RIMBP2: variants seen among roughly 807,000 people sequenced by gnomAD.
RIMBP2 encodes RIMS-binding protein 2.
A neutral mutation model predicts 118.6 loss-of-function variants in RIMBP2; 48 were observed. The ratio of observed to expected loss-of-function variants is 0.40; its 90% CI spans 0.32 to 0.51. The LOEUF (loss-of-function observed/expected upper bound fraction) is 0.51, where lower values mean the gene tolerates loss of function less well. Ranked by LOEUF, RIMBP2 falls within the 20% of genes least tolerant of loss-of-function variation. The pLI, the probability that RIMBP2 is intolerant of heterozygous loss-of-function variation, is 0.41. For missense variants in RIMBP2, 1,551 were observed against 1,768.3 expected, an observed-to-expected ratio of 0.88 and a Z score of 2.20; for synonymous variants, 762 against 742.9, an observed-to-expected ratio of 1.03 and a Z score of -0.42.
At chr12:130,689,373 C>G (rs984735067) in intron 1 of RIMBP2, among the ~76,000 whole-genome samples, 3 of 152,198 alleles carry the variant, frequency 2.0e-5, no homozygotes, top group African/African-American at 7.2e-5. Flanking sequence ...GCGGAGGTTA[C>G]AGTGAGCCAA....
chr12:130,612,341 C>T (rs1339615257), intron 2 of RIMBP2, among the ~76,000 whole-genome samples: 3 of 152,176 alleles, frequency 2.0e-5, no homozygotes, highest in Non-Finnish European at 4.4e-5. Flanking sequence ...CATAAAGCAT[C>T]ACCTTCTCTC....
Position 130,431,793 on chromosome 12 carries a change from G to A in RIMBP2, c.2253+2941C>T, listed in dbSNP as rs2077170584. The A allele has an allele frequency of 6.5e-6, 1 of 154,090 alleles. No individual in the cohort carries two copies. The highest frequency in any genetic ancestry group is 1.4e-5 in the Non-Finnish European group (1 of 69,612). 9.5% of individuals were successfully genotyped at this position (154,090 alleles called of 1,614,324 possible). ...GGAGTGGGAGGCCCTCGGAAGTGCA[G>A]AGCTGTGTTTCTGCCGCTGTGTTTC... On this transcript the variant is annotated intron_variant, in intron 14 of 22. Transcript: ENST00000690449. The surrounding 1 kb of genome is among the most constrained non-coding windows in gnomAD (Gnocchi z 4.0).
At chr12:130,610,365 T>C (rs537749601) in intron 2 of RIMBP2, among the ~76,000 whole-genome samples, 206 of 152,316 alleles carry the variant, frequency 1.4e-3, no homozygotes, top group African/African-American at 4.7e-3. Context: ...GTCTACGCCA[T>C]CTGTGTGGCC....
intron 3 of RIMBP2, among the ~76,000 whole-genome samples, chr12:130,507,054 A>T (rs1483524204): frequency 1.3e-5 from 2 of 152,154 alleles, no homozygotes; most frequent in Admixed American, 6.5e-5. Flanking sequence ...CAATCAGTGT[A>T]ATCTCATCCC....
chr12:130,450,897 A>G lies in RIMBP2; in HGVS notation c.504+298T>C, dbSNP rs1378173648. On this transcript the variant is annotated intron_variant, in intron 8 of 22. Transcript: ENST00000690449. This position sits in a 1 kb window ranked among gnomAD's most constrained non-coding sequence, Gnocchi z 4.8. Reference sequence around the variant, plus strand: ...GGCCCCTCCCGGCCAGCTCTGCGTCAACAGCCTTGCTGCGTCATCCTTGCA... The same window carrying G: ...GGCCCCTCCCGGCCAGCTCTGCGTCGACAGCCTTGCTGCGTCATCCTTGCA... Among the ~76,000 whole-genome samples the G allele has an allele frequency of 6.6e-6, 1 of 151,968 alleles. No homozygotes were observed. The highest frequency in any genetic ancestry group is 2.4e-5 in the African/African-American group (1 of 41,330).
intron 1 of RIMBP2, among the ~76,000 whole-genome samples, chr12:130,686,360 G>A (rs1345923344): frequency 6.6e-6 from 1 of 152,220 alleles, no homozygotes; most frequent in East Asian, 1.9e-4. Flanking sequence ...GCGCCCCCAG[G>A]CTGTCAGATT....
intron 21 of RIMBP2, among the ~76,000 whole-genome samples, chr12:130,402,213 G>A (rs1228053030): frequency 6.6e-6 from 1 of 152,132 alleles, no homozygotes; most frequent in Non-Finnish European, 1.5e-5. Flanking sequence ...CCTAAGTTCC[G>A]TTCTGTTTGG....
intron 1 of RIMBP2, among the ~76,000 whole-genome samples, chr12:130,656,183 A>C (rs1302450330): frequency 1.3e-5 from 2 of 152,168 alleles, no homozygotes; most frequent in East Asian, 1.9e-4. Flanking sequence ...GGTTTGTCTA[A>C]TGTTCTATGG....
chr12:130,634,897 C>T (rs950276893), intron 1 of RIMBP2, among the ~76,000 whole-genome samples: 4 of 152,200 alleles, frequency 2.6e-5, no homozygotes, highest in Non-Finnish European at 5.9e-5. Flanking sequence ...CCACACCCGG[C>T]TGACTCCACC....
At chr12:130,445,337 G>C in intron 9 of RIMBP2, 68 bp from the exon 10 acceptor site, 1 of 1,111,192 alleles carries the variant, frequency 9.0e-7, no homozygotes, top group Admixed American at 2.3e-5. Context: ...TGTCCGTGCA[G>C]AACGCCAGAC....
chr12:130,448,319 C>T (rs1352930379), intron 9 of RIMBP2, among the ~76,000 whole-genome samples: 1 of 152,204 alleles, frequency 6.6e-6, no homozygotes, highest in Non-Finnish European at 1.5e-5. Flanking sequence ...GGGCAGCTCC[C>T]CCCAGAAAAG....
chr12:130,575,668 C>G (rs1415466590), intron 2 of RIMBP2, among the ~76,000 whole-genome samples: 1 of 152,178 alleles, frequency 6.6e-6, no homozygotes, highest in Non-Finnish European at 1.5e-5. Context: ...CACATAGATG[C>G]AACATGCTAA....
chr12:130,632,469 T>A (rs1225672572), intron 1 of RIMBP2, among the ~76,000 whole-genome samples: 3 of 152,174 alleles, frequency 2.0e-5, no homozygotes, highest in Non-Finnish European at 4.4e-5. Flanking sequence ...ATGCATTTAG[T>A]GCAGGTCGGT....
intron 1 of RIMBP2, among the ~76,000 whole-genome samples, chr12:130,676,472 A>G (rs367838853): frequency 1.1e-4 from 17 of 151,864 alleles, no homozygotes; most frequent in African/African-American, 3.9e-4. Context: ...AAAATACAAA[A>G]ATTAGCTGGG....
At chr12:130,566,175 GCACACACA>G (rs3047801) in intron 2 of RIMBP2, among the ~76,000 whole-genome samples, 2 of 148,124 alleles carry the variant, frequency 1.4e-5, no homozygotes, top group Non-Finnish European at 3.0e-5. Context: ...ATACACACAT[GCACACACA>G]CACACACACA....
Position 130,446,715 on chromosome 12 carries a change from C to T in RIMBP2, c.582-1446G>A, listed in dbSNP as rs2078551824. Among the ~76,000 whole-genome samples, 1 of 152,162 alleles carries T rather than the reference C, an allele frequency of 6.6e-6. No individual in the cohort carries two copies. The highest frequency in any genetic ancestry group is 1.5e-5 in the Non-Finnish European group (1 of 68,036). ...AGGAGAGAGATGAGGTTGGCAGGGACCAGACTGGTTTTAACCTGATCTCAC... is the reference window on the plus strand; with the variant it reads ...AGGAGAGAGATGAGGTTGGCAGGGATCAGACTGGTTTTAACCTGATCTCAC... On this transcript the variant is annotated intron_variant, in intron 9 of 22. Coordinates refer to ENST00000690449, the MANE Select transcript of RIMBP2 (RefSeq NM_001393629.1). This position sits in a 1 kb window ranked among gnomAD's most constrained non-coding sequence, Gnocchi z 4.1.
chr12:130,605,505 T>C (rs918919033), intron 2 of RIMBP2, among the ~76,000 whole-genome samples: 1 of 152,206 alleles, frequency 6.6e-6, no homozygotes, highest in South Asian at 2.1e-4. Context: ...CCGTATGCTA[T>C]TGGGGAATTA....
intron 2 of RIMBP2, among the ~76,000 whole-genome samples, chr12:130,526,100 G>T (rs555083194): frequency 6.6e-6 from 1 of 152,092 alleles, no homozygotes; most frequent in South Asian, 2.1e-4. Flanking sequence ...TGGCAGGGGT[G>T]GGGGGTTCTG....
In RIMBP2 at chr12:130,446,244, A is replaced by G. The variant is rs7136156; in HGVS notation, c.582-975T>C. Among the ~76,000 whole-genome samples, 151,388 of 152,338 alleles carry G rather than the reference A, an allele frequency of 0.99. 75,229 individuals carry two copies. Among genetic ancestry groups the G allele is most frequent in the Middle Eastern group, 1 (294 of 294 alleles). ...CATTAGAGTTGGAGAAGATAGCCAG[A>G]CACTGTAATATTATAATTATGATAT... On this transcript the variant is annotated intron_variant, in intron 9 of 22. Transcript: ENST00000690449. This position sits in a 1 kb window ranked among gnomAD's most constrained non-coding sequence, Gnocchi z 4.1.
Sources: allele counts gnomAD v4.1 joint callset (sites outside exome capture counted in the v4.1 genomes callset), GRCh38; gene constraint gnomAD v4.1.1; non-coding constraint Gnocchi (gnomAD v3.1); transcripts MANE v1.5; gene names NCBI Gene and HGNC (gene_info 2026-07-23, HGNC 2026-07-21).